Variants in SHISA9 observed in about 807,000 individuals in gnomAD.
SHISA9 encodes protein shisa-9.
A neutral mutation model predicts 38.0 loss-of-function variants in SHISA9; 13 were observed. The observed-to-expected ratio is 0.34, with a 90% confidence interval of 0.22 to 0.54. SHISA9 has a LOEUF of 0.54. Ranked by LOEUF, SHISA9 falls within the 20% of genes least tolerant of loss-of-function variation. The pLI is 0.91. For missense variants in SHISA9, 538 were observed against 575.8 expected, an observed-to-expected ratio of 0.93 and a Z score of 0.67; for synonymous variants, 275 against 242.0, an observed-to-expected ratio of 1.14 and a Z score of -1.27.
At chr16:13,376,879 G>T in the SHISA9 span, among the ~76,000 whole-genome samples, 1 of 151,982 alleles carries the variant, frequency 6.6e-6, no homozygotes, top group African/African-American at 2.4e-5. Flanking sequence ...GTAGAGATGT[G>T]TTGCCCAGGC....
the SHISA9 span, among the ~76,000 whole-genome samples, chr16:13,255,623 C>A: frequency 6.6e-6 from 1 of 152,218 alleles, no homozygotes; most frequent in African/African-American, 2.4e-5. Context: ...TTCTTCCTTA[C>A]CTTCCACATC....
At chr16:12,973,469 A>G (rs2072112818) in intron 2 of SHISA9, among the ~76,000 whole-genome samples, 2 of 152,328 alleles carry the variant, frequency 1.3e-5, no homozygotes, top group South Asian at 2.1e-4. Flanking sequence ...CCATTTGGGC[A>G]GTCACTGGAT....
At position 13,122,144 on chromosome 16, in the gene SHISA9, T is replaced by C. The variant is rs534308219; in HGVS notation, c.692-81250T>C. Among the ~76,000 whole-genome samples the C allele has an allele frequency of 2.0e-5, 3 of 152,264 alleles. No homozygotes were observed. In the South Asian group the frequency reaches 6.2e-4, roughly 32 times the overall value. On this transcript the variant is annotated intron_variant, in intron 2 of 4. Transcript: ENST00000558583. ...CTTGCCCATAGTAGGGGCTCAATGC[T>C]TTTGTTGAAGAAGTAAATACACTGG...
intron 2 of SHISA9, among the ~76,000 whole-genome samples, chr16:13,040,965 T>G (rs1277594507): frequency 2.6e-5 from 4 of 152,188 alleles, no homozygotes; most frequent in Non-Finnish European, 5.9e-5. Context: ...ACCCCCAACC[T>G]GGAAACGTGT....
intron 2 of SHISA9, among the ~76,000 whole-genome samples, chr16:12,949,183 A>G (rs1168829046): frequency 1.3e-5 from 2 of 152,174 alleles, no homozygotes; most frequent in Non-Finnish European, 2.9e-5. Context: ...CAAAGCATGT[A>G]TTATGGGAGT....
At chr16:13,441,828 C>G in the SHISA9 span, among the ~76,000 whole-genome samples, 2 of 152,158 alleles carry the variant, frequency 1.3e-5, no homozygotes, top group African/African-American at 4.8e-5. Context: ...CCTCAGAGCT[C>G]TGGTTTCAGA....
chr16:13,340,125 T>C, the SHISA9 span, among the ~76,000 whole-genome samples: 1 of 152,158 alleles, frequency 6.6e-6, no homozygotes, highest in Non-Finnish European at 1.5e-5. Flanking sequence ...CAATAATTGC[T>C]ACCTCTTGGG....
At chr16:13,368,738 C>CAA in the SHISA9 span, among the ~76,000 whole-genome samples, 3 of 141,752 alleles carry the variant, frequency 2.1e-5, no homozygotes, top group Non-Finnish European at 4.6e-5. Context: ...AAGATATGTG[C>CAA]AAAAAAAAAA....
the SHISA9 span, among the ~76,000 whole-genome samples, chr16:13,437,864 CTTTTTTT>C: frequency 9.6e-6 from 1 of 104,490 alleles, no homozygotes; most frequent in Non-Finnish European, 2.0e-5. Context: ...CTTTTTTTTT[CTTTTTTT>C]TTTTTTTTTT....
chr16:12,982,547 C>T (rs1478751260), intron 2 of SHISA9, among the ~76,000 whole-genome samples: 1 of 152,314 alleles, frequency 6.6e-6, no homozygotes, highest in Admixed American at 6.5e-5. Flanking sequence ...TTACCCAATT[C>T]CCTGAAGTCC....
intron 2 of SHISA9, among the ~76,000 whole-genome samples, chr16:13,022,997 TTTTC>T (rs770510306): frequency 6.1e-5 from 9 of 148,238 alleles, no homozygotes; most frequent in Non-Finnish European, 1.1e-4. Flanking sequence ...AAAGACCCGT[TTTTC>T]TTTCTTTCTG....
rs576988095 is a variant in SHISA9 at position 13,091,881 on chromosome 16, G to A, written c.692-111513G>A. Among the ~76,000 whole-genome samples the A allele has an allele frequency of 3.5e-4, 54 of 152,242 alleles. No homozygotes were observed. In the South Asian group the frequency reaches 6.0e-3, roughly 17 times the overall value. On this transcript the variant is annotated intron_variant, in intron 2 of 4. Transcript: ENST00000558583. ...TGCGATCCTTTGGAGGAGAAGAGGC[G>A]CTCTGGTTTTTAGAATTTTCAGCTT...
At chr16:13,469,362 A>G in the SHISA9 span, among the ~76,000 whole-genome samples, 30 of 37,732 alleles carry the variant, frequency 8.0e-4, no homozygotes, top group South Asian at 3.0e-3. Context: ...AAGAAAGAAA[A>G]GAAAAAGAAA....
the SHISA9 span, among the ~76,000 whole-genome samples, chr16:13,284,257 A>G: frequency 9.3e-4 from 142 of 152,242 alleles, no homozygotes; most frequent in African/African-American, 3.2e-3. Flanking sequence ...ATGAATCACA[A>G]TCTCGTGCTG....
chr16:13,112,845 C>T (rs1279017424), intron 2 of SHISA9, among the ~76,000 whole-genome samples: 1 of 152,050 alleles, frequency 6.6e-6, no homozygotes, highest in Non-Finnish European at 1.5e-5. Flanking sequence ...CTTCCTGAAA[C>T]TAAATCCGGT....
chr16:13,065,319 C>T (rs535298389), intron 2 of SHISA9, among the ~76,000 whole-genome samples: 2 of 152,302 alleles, frequency 1.3e-5, no homozygotes, highest in East Asian at 1.9e-4. Context: ...AACCCATCTC[C>T]TTACCCCTAT....
At chr16:13,469,389 G>GA in the SHISA9 span, among the ~76,000 whole-genome samples, 19 of 101,612 alleles carry the variant, frequency 1.9e-4, no homozygotes, top group African/African-American at 7.2e-4. Flanking sequence ...AAGAAAGAAA[G>GA]AAAGAAAGAA....
chr16:13,375,322 T>C, the SHISA9 span, among the ~76,000 whole-genome samples: 1 of 152,254 alleles, frequency 6.6e-6, no homozygotes, highest in African/African-American at 2.4e-5. Flanking sequence ...ATTTAAGTCT[T>C]TAATCCATCT....
At chr16:12,983,554 T>C (rs1040181240) in intron 2 of SHISA9, among the ~76,000 whole-genome samples, 1 of 152,152 alleles carries the variant, frequency 6.6e-6, no homozygotes, top group African/African-American at 2.4e-5. Flanking sequence ...AGTGGCACAA[T>C]CTCGGCTCAC....
Sources: gnomAD v4.1 joint callset for allele counts (sites outside exome capture counted in the v4.1 genomes callset) on GRCh38, gnomAD v4.1.1 for gene constraint, MANE v1.5 for transcripts, NCBI Gene and HGNC (gene_info 2026-07-23, HGNC 2026-07-21) for gene names.